The following RIMS1 variants were observed in gnomAD, a reference collection of about 807,000 sequenced individuals.
RIMS1 encodes regulating synaptic membrane exocytosis protein 1.
Under a neutral mutation model 214.1 loss-of-function variants are expected in RIMS1, and 83 were observed. That is an observed-to-expected ratio of 0.39 (90% CI 0.32 to 0.47). The LOEUF is 0.47. Among genes scored for constraint, RIMS1 ranks in the 20% least tolerant of loss-of-function variants. The pLI is 0.99. For missense variants in RIMS1, 2,050 were observed against 2,161.8 expected, an observed-to-expected ratio of 0.95 and a Z score of 1.03; for synonymous variants, 793 against 786.8, an observed-to-expected ratio of 1.01 and a Z score of -0.13.
chr6:72,090,510 TA>T (rs879876761), intron 2 of RIMS1, among the ~76,000 whole-genome samples: 113 of 147,268 alleles, frequency 7.7e-4, no homozygotes, highest in African/African-American at 1.9e-3. Context: ...CAAACATCAT[TA>T]AAAAAAAAAA....
chr6:71,998,820 ATATT>A (rs1349577870), intron 2 of RIMS1, among the ~76,000 whole-genome samples: 1 of 152,156 alleles, frequency 6.6e-6, no homozygotes, highest in Non-Finnish European at 1.5e-5. Flanking sequence ...TGACTATTCT[ATATT>A]TATTTTCCAG....
At chr6:72,047,973 A>C (rs10080652) in intron 2 of RIMS1, among the ~76,000 whole-genome samples, 30,254 of 152,150 alleles carry the variant, frequency 0.2, 3,204 homozygotes, top group Non-Finnish European at 0.24. Context: ...ACTACTAGCA[A>C]AACAACTTAT....
intron 27 of RIMS1, among the ~76,000 whole-genome samples, chr6:72,312,187 C>A (rs1220423803): frequency 6.6e-6 from 1 of 152,122 alleles, no homozygotes; most frequent in East Asian, 1.9e-4. Context: ...TGACATGGAA[C>A]ATCACAAAGG....
At chr6:72,339,035 A>C (rs1436080382) in intron 29 of RIMS1, among the ~76,000 whole-genome samples, 2 of 151,894 alleles carry the variant, frequency 1.3e-5, no homozygotes, top group Admixed American at 6.6e-5. Flanking sequence ...TCCTGCTCTC[A>C]AGGATATCAC....
In RIMS1 at chr6:72,400,581, C is replaced by G; in HGVS notation, c.4946C>G (p.Ser1649Cys). 6.2e-7 allele frequency: 1 copy of G among 1,613,918 alleles called. No homozygotes were observed. Among genetic ancestry groups the G allele is most frequent in the Non-Finnish European group, 8.5e-7 (1 of 1,179,874 alleles). Reference protein sequence around the residue: ...AQILLEELDLSSMVIGWYKLF... With the variant: ...AQILLEELDLCSMVIGWYKLF... ...ATCTTGTTGGAAGAACTCGACCTGT[C>G]CAGCATGGTGATCGGATGGTACAAA... The change falls in exon 34 of 34, where the codon TCC becomes TGC. Residue 1649 changes from serine (S) to cysteine (C), a missense_variant. By Grantham distance (112) the Ser-to-Cys change is moderately radical (BLOSUM62 -1). Coordinates refer to ENST00000521978, the MANE Select transcript of RIMS1 (RefSeq NM_014989.7).
At chr6:72,257,388 A>T (rs2076335823) in intron 16 of RIMS1, among the ~76,000 whole-genome samples, 1 of 152,212 alleles carries the variant, frequency 6.6e-6, no homozygotes, top group Non-Finnish European at 1.5e-5. Context: ...AATTTATTTT[A>T]AATTGCAATA....
chr6:72,230,167 C>T (rs1175949610), intron 6 of RIMS1, among the ~76,000 whole-genome samples: 1 of 151,688 alleles, frequency 6.6e-6, no homozygotes, highest in Non-Finnish European at 1.5e-5. Flanking sequence ...CTAGAAAGAA[C>T]AATCTCTTTT....
chr6:72,011,689 C>T (rs867736178), intron 2 of RIMS1, among the ~76,000 whole-genome samples: 1 of 152,182 alleles, frequency 6.6e-6, no homozygotes, highest in Non-Finnish European at 1.5e-5. Flanking sequence ...AGACACTTCT[C>T]AAAAGAAGAC....
At chr6:72,271,286 AATATATATATATATATAT>A (rs1222564699) in intron 22 of RIMS1, among the ~76,000 whole-genome samples, 5 of 44,418 alleles carry the variant, frequency 1.1e-4, no homozygotes, top group Admixed American at 6.6e-4. Context: ...AAAAAAAAAA[AATATATATATATATATAT>A]ATATATATAT....
intron 1 of RIMS1, among the ~76,000 whole-genome samples, chr6:71,903,229 G>A (rs1249812912): frequency 5.9e-5 from 9 of 152,080 alleles, no homozygotes; most frequent in African/African-American, 2.2e-4. Context: ...TCTGACTGGC[G>A]TGAGGTGGTA....
In RIMS1 at chr6:72,291,985, C is replaced by T; in HGVS notation, c.3789C>T (p.Phe1263=). The change falls in exon 26 of 34, where the codon TTC becomes TTT. Residue 1263 remains phenylalanine, a synonymous_variant. Transcript: ENST00000521978. ...AATCTCCTCCAGCAGACACATCGTT[C>T]AGCAGTCGCAGGGGAAGACAGCTCC... The part of the protein sequence containing the change: ...PTQSPPADTS[F]SSRRGRQLPQ... 1 of 1,564,648 alleles carries T rather than the reference C, an allele frequency of 6.4e-7. No individual in the cohort carries two copies. The highest frequency in any genetic ancestry group is 8.7e-7 in the Non-Finnish European group (1 of 1,154,606).
chr6:72,250,255 A>G (rs2072578911), intron 12 of RIMS1, 75 bp from the exon 13 acceptor site: 1 of 1,383,848 alleles, frequency 7.2e-7, no homozygotes, highest in Non-Finnish European at 9.9e-7. Context: ...TTTAAATATA[A>G]CTTGAATTTT....
chr6:71,891,045 A>G (rs1769688100), intron 1 of RIMS1, among the ~76,000 whole-genome samples: 1 of 152,184 alleles, frequency 6.6e-6, no homozygotes, highest in East Asian at 1.9e-4. Context: ...AAATGAATTT[A>G]TAGTCTTTTC....
chr6:72,099,501 C>T (rs2032978918), intron 3 of RIMS1, among the ~76,000 whole-genome samples: 1 of 152,084 alleles, frequency 6.6e-6, no homozygotes, highest in South Asian at 2.1e-4. Context: ...ACATATTTCT[C>T]TTCCCATTTT....
rs777214787 is a variant in RIMS1 at position 72,024,900 on chromosome 6, G to GTTTTTTTTTTT, written c.245+55850_245+55860dup. ...AACTCAGGATTCTTAAAATCTGTGGGTTTTTTTTTTTTTTTTTTTTTTTGA... is the reference window on the plus strand; with the variant it reads ...AACTCAGGATTCTTAAAATCTGTGGGTTTTTTTTTTTTTTTTTTTTTTTTTTTTTTTTTTGA... On this transcript the variant is annotated intron_variant, in intron 2 of 33. Transcript: ENST00000521978. Among the ~76,000 whole-genome samples the GTTTTTTTTTTT allele has an allele frequency of 1.7e-4, 17 of 98,638 alleles. 3 individuals carry two copies. Among genetic ancestry groups the GTTTTTTTTTTT allele is most frequent in the African/African-American group, 3.0e-4 (8 of 26,588 alleles). The allele number at this position is 98,638 out of a possible 152,430, so 64.7% of individuals were successfully genotyped here.
chr6:72,007,897 C>A (rs1054126567), intron 2 of RIMS1, among the ~76,000 whole-genome samples: 1 of 152,164 alleles, frequency 6.6e-6, no homozygotes, highest in African/African-American at 2.4e-5. Context: ...GGAAAACACT[C>A]TGCAGGATGT....
intron 6 of RIMS1, among the ~76,000 whole-genome samples, chr6:72,193,894 C>T (rs2050453555): frequency 6.6e-6 from 1 of 151,656 alleles, no homozygotes; most frequent in South Asian, 2.1e-4. Flanking sequence ...TGTTATGAGC[C>T]CCAATAGAGT....
intron 4 of RIMS1, among the ~76,000 whole-genome samples, chr6:72,160,052 C>T (rs1437169521): frequency 2.4e-5 from 3 of 125,952 alleles, no homozygotes; most frequent in African/African-American, 7.9e-5. Context: ...TGTTTGTATC[C>T]TCTTTTATTT....
chr6:72,168,721 G>GTTTTTTTTTTTTTT (rs5877314), intron 4 of RIMS1, among the ~76,000 whole-genome samples: 1 of 101,192 alleles, frequency 9.9e-6, no homozygotes, highest in African/African-American at 4.2e-5. Context: ...TAGTTTCAGG[G>GTTTTTTTTTTTTTT]TTTTTTTTTT....
Sources: allele counts gnomAD v4.1 joint callset (sites outside exome capture counted in the v4.1 genomes callset), GRCh38; gene constraint gnomAD v4.1.1; transcripts MANE v1.5; gene names NCBI Gene and HGNC (gene_info 2026-07-23, HGNC 2026-07-21).